Variants in TPD52 observed in about 807,000 individuals in gnomAD.
The protein encoded by TPD52 is tumor protein D52, also known as prostate and colon associated protein.
A neutral mutation model predicts 31.3 loss-of-function variants in TPD52; 17 were observed. The ratio of observed to expected loss-of-function variants is 0.54; its 90% CI spans 0.37 to 0.82. The LOEUF (loss-of-function observed/expected upper bound fraction) is 0.82, where lower values mean the gene tolerates loss of function less well. Among genes scored for constraint, TPD52 ranks in the 40% least tolerant of loss-of-function variants. The probability of loss-of-function intolerance (pLI) is 0.00; values close to 1 mark genes in which losing one functional copy is unlikely to be tolerated. For synonymous variants in TPD52, 83 were observed against 89.6 expected (o/e 0.93, Z 0.42); for missense variants, 212 against 240.1 (o/e 0.88, Z 0.77).
intron 1 of TPD52, among the ~76,000 whole-genome samples, chr8:80,103,602 TAC>T (rs1806900380): frequency 6.6e-6 from 1 of 152,206 alleles, no homozygotes; most frequent in Non-Finnish European, 1.5e-5. Context: ...AGCAAACAGA[TAC>T]AGTTACCCCA....
At chr8:80,090,401 T>C (rs904736762) in intron 1 of TPD52, among the ~76,000 whole-genome samples, 3 of 150,924 alleles carry the variant, frequency 2.0e-5, no homozygotes, top group African/African-American at 7.3e-5. Flanking sequence ...CAAATGTGTG[T>C]GTTTAAGAGC....
chr8:80,065,304 T>TAC (rs35181481), intron 1 of TPD52, among the ~76,000 whole-genome samples: 1 of 32,858 alleles, frequency 3.0e-5, no homozygotes, highest in Non-Finnish European at 8.9e-5. Context: ...TCTATCTATC[T>TAC]ATATATATAT....
chr8:80,046,398 A>G (rs1365749580), intron 5 of TPD52, among the ~76,000 whole-genome samples: 5 of 152,192 alleles, frequency 3.3e-5, no homozygotes, highest in Non-Finnish European at 7.3e-5. Flanking sequence ...GATCCTCCCC[A>G]TAATCCATAG....
chr8:80,084,466 C>T (rs1381183942), intron 1 of TPD52, among the ~76,000 whole-genome samples: 2 of 152,186 alleles, frequency 1.3e-5, no homozygotes, highest in Non-Finnish European at 2.9e-5. Context: ...GCTGGCAGCT[C>T]CTTCCCTCAC....
intron 1 of TPD52, among the ~76,000 whole-genome samples, chr8:80,086,171 G>C (rs1229057416): frequency 7.5e-6 from 1 of 133,776 alleles, no homozygotes; most frequent in Non-Finnish European, 1.5e-5. Context: ...AGGCTGGAGT[G>C]CAGTGTCGTG....
intron 2 of TPD52, among the ~76,000 whole-genome samples, chr8:80,062,622 T>A (rs568297346): frequency 1.3e-5 from 2 of 152,102 alleles, no homozygotes; most frequent in Admixed American, 6.5e-5. Flanking sequence ...GATGGGAATA[T>A]TAAATGGTGT....
chr8:80,113,440 A>G (rs1807645050), intron 1 of TPD52, among the ~76,000 whole-genome samples: 1 of 152,196 alleles, frequency 6.6e-6, no homozygotes, highest in Admixed American at 6.5e-5. Context: ...ATTTATCCAA[A>G]GGAATGGAAA....
At chr8:80,076,883 TCA>T (rs1444058857) in intron 1 of TPD52, among the ~76,000 whole-genome samples, 2 of 152,078 alleles carry the variant, frequency 1.3e-5, no homozygotes, top group African/African-American at 4.8e-5. Context: ...TGATGGCTGG[TCA>T]CAAACTCATG....
At chr8:80,063,689 C>T (rs1213458382) in intron 2 of TPD52, among the ~76,000 whole-genome samples, 3 of 151,786 alleles carry the variant, frequency 2.0e-5, no homozygotes, top group Non-Finnish European at 4.4e-5. Context: ...CCCAGCTACT[C>T]AGGAGGCTGA....
At chr8:80,047,798 C>G (rs923866898) in intron 5 of TPD52, among the ~76,000 whole-genome samples, 4 of 152,058 alleles carry the variant, frequency 2.6e-5, no homozygotes, top group African/African-American at 9.7e-5. Context: ...GAGCCCAAAC[C>G]AAATAAATAT....
rs889192279 is a variant in TPD52, at chr8:80,037,935, C to T, written c.*181G>A. 4 of 728,666 alleles carry T rather than the reference C, an allele frequency of 5.5e-6. No homozygotes were observed. The highest frequency in any genetic ancestry group is 5.3e-5 in the African/African-American group (3 of 56,742). The allele number at this position is 728,666 out of a possible 1,614,324, so 45.1% of individuals were successfully genotyped here. A position where few individuals can be genotyped will look rare whatever the true frequency, so the allele number is the denominator to read the frequency against. On this transcript the variant is annotated 3_prime_UTR_variant, in exon 8 of 8. Coordinates refer to ENST00000518937, the MANE Select transcript of TPD52 (RefSeq NM_001025253.3). ...CATAAATGTACACTAAAGGGTGTTT[C>T]CCAAGAATAGAGGTGAAGATATTTT...
chr8:80,136,523 CAAAAAA>C (rs56656428), intron 1 of TPD52, among the ~76,000 whole-genome samples: 20 of 67,094 alleles, frequency 3.0e-4, no homozygotes, highest in Admixed American at 6.7e-4. Flanking sequence ...GACTCTGTCT[CAAAAAA>C]AAAAAAAAAA....
chr8:80,053,182 G>GT, intron 3 of TPD52, 100 bp downstream of exon 3: 2 of 1,325,854 alleles, frequency 1.5e-6, no homozygotes, highest in Non-Finnish European at 2.0e-6. Flanking sequence ...AAGAAAAGCT[G>GT]CTGAAGCATC....
At chr8:80,038,294 G>T in intron 7 of TPD52, 59 bp from the exon 8 acceptor site, 1 of 1,572,338 alleles carries the variant, frequency 6.4e-7, no homozygotes, top group Admixed American at 1.7e-5. Flanking sequence ...AGCTGATTCT[G>T]CATAAAGTAA....
chr8:80,036,601 G>A lies in TPD52; in HGVS notation c.*1515C>T, dbSNP rs1809928308. The A allele has an allele frequency of 6.6e-6, 1 of 152,474 alleles. No homozygotes were observed. Among genetic ancestry groups the A allele is most frequent in the Non-Finnish European group, 1.5e-5 (1 of 67,982 alleles). The allele number at this position is 152,474 out of a possible 1,614,324, so 9.4% of individuals were successfully genotyped here. A position where few individuals can be genotyped will look rare whatever the true frequency, so the allele number is the denominator to read the frequency against. Reference sequence around the variant, plus strand: ...ATTGAGACCTATACTACTGATAGATGGAATTTATTAAGCTTTTCACATGTG... The same window carrying A: ...ATTGAGACCTATACTACTGATAGATAGAATTTATTAAGCTTTTCACATGTG... On this transcript the variant is annotated 3_prime_UTR_variant, in exon 8 of 8. Coordinates refer to ENST00000518937, the MANE Select transcript of TPD52 (RefSeq NM_001025253.3).
chr8:80,160,186 A>C (rs866072728), intron 1 of TPD52, among the ~76,000 whole-genome samples: 3 of 88,088 alleles, frequency 3.4e-5, no homozygotes, highest in African/African-American at 2.4e-4. Context: ...GCAAGACCCC[A>C]TCTCAAAAAA....
At chr8:80,041,507 T>C (rs1032499781) in intron 7 of TPD52, among the ~76,000 whole-genome samples, 1 of 152,144 alleles carries the variant, frequency 6.6e-6, no homozygotes, top group Non-Finnish European at 1.5e-5. Flanking sequence ...GTAATGAAAA[T>C]ATGGGTTTTA....
At chr8:80,080,524 C>CA in intron 1 of TPD52, 1 of 1,581,142 alleles carries the variant, frequency 6.3e-7, no homozygotes, top group Non-Finnish European at 8.6e-7. Flanking sequence ...CCGCTTTGGC[C>CA]ATATTCCCTT....
At chr8:80,167,786 C>T (rs1250575495) in intron 1 of TPD52, among the ~76,000 whole-genome samples, 1 of 152,156 alleles carries the variant, frequency 6.6e-6, no homozygotes, top group Non-Finnish European at 1.5e-5. Flanking sequence ...GCCTCAGGAA[C>T]CATTCCTCTT....
Sources: allele counts gnomAD v4.1 joint callset (sites outside exome capture counted in the v4.1 genomes callset), GRCh38; gene constraint gnomAD v4.1.1; transcripts MANE v1.5; gene names NCBI Gene and HGNC (gene_info 2026-07-23, HGNC 2026-07-21).